Variants in CACNG2 observed in about 807,000 individuals in gnomAD.
CACNG2 encodes voltage-dependent calcium channel gamma-2 subunit.
CACNG2 carries 3 observed loss-of-function variants against 25.9 expected under a neutral mutation model. The ratio of observed to expected loss-of-function variants is 0.12; its 90% CI spans 0.05 to 0.30. CACNG2 has a LOEUF of 0.30. Ranked by LOEUF, CACNG2 falls within the 10% of genes least tolerant of loss-of-function variation. The pLI, the probability that CACNG2 is intolerant of heterozygous loss-of-function variation, is 1.00. For synonymous variants in CACNG2, 167 were observed against 173.3 expected (o/e 0.96, Z 0.29); for missense variants, 341 against 432.5 (o/e 0.79, Z 1.88).
chr22:36,634,964 A>G (rs1411230034), intron 1 of CACNG2, among the ~76,000 whole-genome samples: 1 of 152,226 alleles, frequency 6.6e-6, no homozygotes, highest in East Asian at 1.9e-4. Flanking sequence ...ATTGGAAGAA[A>G]GAAGTTACAC....
chr22:36,625,381 T>C (rs1936169811), intron 1 of CACNG2, among the ~76,000 whole-genome samples: 1 of 152,146 alleles, frequency 6.6e-6, no homozygotes, highest in Admixed American at 6.6e-5. Flanking sequence ...TGCCTTGAGG[T>C]TGTTTGTATG....
chr22:36,587,166 G>A (rs747758105), intron 2 of CACNG2, among the ~76,000 whole-genome samples: 15 of 152,034 alleles, frequency 9.9e-5, no homozygotes, highest in African/African-American at 1.4e-4. Flanking sequence ...ATAAAGTACC[G>A]TCCTCTAGGA....
In CACNG2 at chr22:36,587,636, T is replaced by G. The variant is rs867922706; in HGVS notation, c.212-88A>C. On this transcript the variant is annotated intron_variant, in intron 1 of 3. Transcript: ENST00000300105. ...CCTGCCTCTTCCCAACTTCTGGCTC[T>G]TTGGAAACTCACTCAGCCCTCTCCC... is the stretch of plus-strand genomic sequence containing the variant. 119 of 908,448 alleles carry G rather than the reference T, an allele frequency of 1.3e-4. 1 individual carries two copies. In the Middle Eastern group the frequency reaches 5.1e-3, roughly 39 times the overall value. 56.3% of individuals were successfully genotyped at this position (908,448 alleles called of 1,614,324 possible). A position where few individuals can be genotyped will look rare whatever the true frequency, so the allele number is the denominator to read the frequency against.
At chr22:36,699,705 G>T (rs2146021954) in intron 1 of CACNG2, among the ~76,000 whole-genome samples, 2 of 152,114 alleles carry the variant, frequency 1.3e-5, no homozygotes, top group Admixed American at 1.3e-4. Context: ...AGAAACACAA[G>T]TTGGGGGAAC....
chr22:36,691,968 C>G (rs932410869), intron 1 of CACNG2, among the ~76,000 whole-genome samples: 3 of 151,934 alleles, frequency 2.0e-5, no homozygotes, highest in Admixed American at 6.6e-5. Context: ...AACATGTATC[C>G]CTTATCAGAG....
At chr22:36,666,575 A>T (rs1462438441) in intron 1 of CACNG2, among the ~76,000 whole-genome samples, 1 of 152,132 alleles carries the variant, frequency 6.6e-6, no homozygotes, top group Admixed American at 6.5e-5. Context: ...GTTTTACAAG[A>T]TGAAAAGAGT....
At chr22:36,603,184 C>T (rs2145933498) in intron 1 of CACNG2, among the ~76,000 whole-genome samples, 1 of 152,328 alleles carries the variant, frequency 6.6e-6, no homozygotes, top group South Asian at 2.1e-4. Flanking sequence ...TTTGAGCAGT[C>T]TGGATAGATC....
intron 1 of CACNG2, among the ~76,000 whole-genome samples, chr22:36,662,049 A>G (rs1936806834): frequency 7.7e-6 from 1 of 129,892 alleles, no homozygotes; most frequent in Non-Finnish European, 1.5e-5. Flanking sequence ...GCATGATCTC[A>G]GCTCACTGCA....
rs1205505453 is a variant in CACNG2 at position 36,563,174 on chromosome 22, C to G, written c.*1177G>C. Reference sequence around the variant, plus strand: ...TCCTTTTTCTTTTGTAAAAAGAAGCCTTTTTGCAGTGTCATTGTTGAACCC... The same window carrying G: ...TCCTTTTTCTTTTGTAAAAAGAAGCGTTTTTGCAGTGTCATTGTTGAACCC... On this transcript the variant is annotated 3_prime_UTR_variant, in exon 4 of 4. Transcript: ENST00000300105. Among the ~76,000 whole-genome samples the G allele has an allele frequency of 3.3e-5, 5 of 151,860 alleles. No homozygotes were observed. Among genetic ancestry groups the G allele is most frequent in the Non-Finnish European group, 5.9e-5 (4 of 67,972 alleles).
At chr22:36,681,387 A>G (rs11089802) in intron 1 of CACNG2, among the ~76,000 whole-genome samples, 4,612 of 152,262 alleles carry the variant, frequency 0.03, 220 homozygotes, top group African/African-American at 0.11. Context: ...TTTTATTCAG[A>G]GTCGAAAGTT....
chr22:36,599,139 A>C lies in CACNG2; in HGVS notation c.212-11591T>G, dbSNP rs78387866. Reference sequence around the variant, plus strand: ...AACAACAACAAACTTGGAATAGCCCAGATTTCTATTATCGGAGAAATGATA... The same window carrying C: ...AACAACAACAAACTTGGAATAGCCCCGATTTCTATTATCGGAGAAATGATA... On this transcript the variant is annotated intron_variant, in intron 1 of 3. Transcript: ENST00000300105. Among the ~76,000 whole-genome samples the C allele has an allele frequency of 2.1e-3, 324 of 152,368 alleles. 1 individual carries two copies. The highest frequency in any genetic ancestry group is 3.6e-3 in the Non-Finnish European group (242 of 68,036).
At chr22:36,626,620 G>T (rs1293352405) in intron 1 of CACNG2, among the ~76,000 whole-genome samples, 1 of 152,194 alleles carries the variant, frequency 6.6e-6, no homozygotes, top group Non-Finnish European at 1.5e-5. Context: ...AAGGCAAGCT[G>T]AGAACCTTAA....
Position 36,606,070 on chromosome 22 carries a change from A to G in CACNG2, c.212-18522T>C, listed in dbSNP as rs1441483842. On this transcript the variant is annotated intron_variant, in intron 1 of 3. Coordinates refer to ENST00000300105, the MANE Select transcript of CACNG2 (RefSeq NM_006078.5). This position sits in a 1 kb window ranked among gnomAD's most constrained non-coding sequence, Gnocchi z 5.7. ...CCGTGTATTAACCATGTGCTCTCGG[A>G]CAAGGTGTTCATCTTTCAGTTCAGT... Among the ~76,000 whole-genome samples the G allele has an allele frequency of 6.6e-6, 1 of 152,174 alleles. No individual in the cohort carries two copies. The highest frequency in any genetic ancestry group is 1.5e-5 in the Non-Finnish European group (1 of 68,022).
At chr22:36,641,022 T>TC (rs927125879) in intron 1 of CACNG2, among the ~76,000 whole-genome samples, 12 of 152,310 alleles carry the variant, frequency 7.9e-5, no homozygotes, top group African/African-American at 2.9e-4. Flanking sequence ...CACCGCAATG[T>TC]CCTGTCTTCA....
chr22:36,687,892 C>T (rs1937221736), intron 1 of CACNG2, among the ~76,000 whole-genome samples: 1 of 152,154 alleles, frequency 6.6e-6, no homozygotes, highest in South Asian at 2.1e-4. Context: ...TAGATTCTTC[C>T]AAGAGCCTCC....
chr22:36,678,896 C>T (rs1163350329), intron 1 of CACNG2, among the ~76,000 whole-genome samples: 1 of 152,152 alleles, frequency 6.6e-6, no homozygotes, highest in African/African-American at 2.4e-5. Context: ...CATCTCATCG[C>T]ACACCGTCTT....
intron 1 of CACNG2, among the ~76,000 whole-genome samples, chr22:36,651,592 G>A (rs1335629905): frequency 6.6e-6 from 1 of 152,102 alleles, no homozygotes; most frequent in Non-Finnish European, 1.5e-5. Flanking sequence ...TGCAAATTAT[G>A]TTAGTTGATC....
chr22:36,589,808 T>C (rs1168839831), intron 1 of CACNG2, among the ~76,000 whole-genome samples: 1 of 152,102 alleles, frequency 6.6e-6, no homozygotes, highest in Non-Finnish European at 1.5e-5. Context: ...AGTACCTTGT[T>C]TTCCTAATCC....
At chr22:36,665,435 T>C (rs1936862601) in intron 1 of CACNG2, among the ~76,000 whole-genome samples, 2 of 152,208 alleles carry the variant, frequency 1.3e-5, no homozygotes, top group South Asian at 4.1e-4. Flanking sequence ...GCCTGGCACA[T>C]AGTAAATGCT....
Sources: allele counts gnomAD v4.1 joint callset (sites outside exome capture counted in the v4.1 genomes callset), GRCh38; gene constraint gnomAD v4.1.1; non-coding constraint Gnocchi (gnomAD v3.1); transcripts MANE v1.5; gene names NCBI Gene and HGNC (gene_info 2026-07-23, HGNC 2026-07-21).